Variants in RANBP17 observed in about 807,000 individuals in gnomAD.
RANBP17 encodes RAN binding protein 17, also known as ran-binding protein 17.
Under a neutral mutation model 141.2 loss-of-function variants are expected in RANBP17, and 158 were observed. That is an observed-to-expected ratio of 1.12 (90% CI 0.98 to 1.28). RANBP17 has a LOEUF of 1.28. Ranked by LOEUF, RANBP17 falls within the 50% of genes most tolerant of loss-of-function variation. RANBP17 has a pLI of 0.00. For missense variants in RANBP17, 1,438 were observed against 1,290.7 expected (o/e 1.11, Z -1.75); for synonymous variants, 430 against 450.0 (o/e 0.96, Z 0.56).
At chr5:170,995,575 T>G (rs1359433394) in intron 14 of RANBP17, among the ~76,000 whole-genome samples, 2 of 152,188 alleles carry the variant, frequency 1.3e-5, no homozygotes, top group Admixed American at 6.5e-5. Flanking sequence ...TTAATCCCAG[T>G]GATATTTGAT....
At chr5:170,915,628 G>A (rs2339174) in intron 8 of RANBP17, among the ~76,000 whole-genome samples, 95,886 of 151,842 alleles carry the variant, frequency 0.63, 31,223 homozygotes, top group South Asian at 0.9. Flanking sequence ...TTTTCTCACC[G>A]TAAAGTACCT....
chr5:171,055,863 C>T (rs1783313714), intron 14 of RANBP17, among the ~76,000 whole-genome samples: 1 of 114,986 alleles, frequency 8.7e-6, no homozygotes, highest in Non-Finnish European at 1.7e-5. Flanking sequence ...CCAGTTTCTC[C>T]AGTTGTGTCC....
intron 18 of RANBP17, among the ~76,000 whole-genome samples, chr5:171,194,866 TAAATG>T (rs1761869922): frequency 1.3e-5 from 2 of 152,128 alleles, no homozygotes; most frequent in South Asian, 4.2e-4. Flanking sequence ...TACAAAATAA[TAAATG>T]AAATGTCCTA....
rs931240560 is a variant in RANBP17, at chr5:171,220,886, T to C, written c.2340-872T>C. Among the ~76,000 whole-genome samples the C allele has an allele frequency of 3.3e-5, 5 of 152,354 alleles. No homozygotes were observed. In the East Asian group the frequency reaches 9.6e-4, roughly 29 times the overall value. On this transcript the variant is annotated intron_variant, in intron 21 of 27. Coordinates refer to ENST00000523189, the MANE Select transcript of RANBP17 (RefSeq NM_022897.5). ...TGCATTTCTTTAATCAGAACTTGTA[T>C]GCCAGCAATCATGTTCATAATAATA...
At chr5:171,105,958 A>C (rs75413310) in intron 14 of RANBP17, among the ~76,000 whole-genome samples, 4,004 of 152,242 alleles carry the variant, frequency 0.026, 170 homozygotes, top group African/African-American at 0.09. Context: ...TAGGCCATCA[A>C]TTGATGTGCA....
At chr5:171,165,554 T>C (rs1759636342) in intron 14 of RANBP17, among the ~76,000 whole-genome samples, 1 of 152,132 alleles carries the variant, frequency 6.6e-6, no homozygotes, top group Admixed American at 6.6e-5. Context: ...AAACACCTAG[T>C]TAGTGGCAGA....
At chr5:170,979,435 C>A (rs943866141) in intron 14 of RANBP17, among the ~76,000 whole-genome samples, 31 of 152,186 alleles carry the variant, frequency 2.0e-4, no homozygotes, top group African/African-American at 7.5e-4. Context: ...ATAAAAAATA[C>A]ATTTGCAAGG....
chr5:171,272,320 G>C (rs545897449), intron 25 of RANBP17, among the ~76,000 whole-genome samples: 1 of 152,194 alleles, frequency 6.6e-6, no homozygotes, highest in Non-Finnish European at 1.5e-5. Context: ...TAACAAACCT[G>C]TACATGTACC....
chr5:170,991,363 TA>T (rs1312030924), intron 14 of RANBP17, among the ~76,000 whole-genome samples: 6 of 151,978 alleles, frequency 3.9e-5, no homozygotes, highest in African/African-American at 1.4e-4. Flanking sequence ...TTTGTTATAA[TA>T]AGACAATGAT....
chr5:171,248,079 C>T (rs1029982635), intron 24 of RANBP17, among the ~76,000 whole-genome samples: 1 of 152,090 alleles, frequency 6.6e-6, no homozygotes, highest in Non-Finnish European at 1.5e-5. Context: ...AAAGAACTCA[C>T]AGGAAGGCTG....
chr5:171,057,352 T>C (rs990403090), intron 14 of RANBP17, among the ~76,000 whole-genome samples: 4 of 152,138 alleles, frequency 2.6e-5, no homozygotes, highest in African/African-American at 9.6e-5. Context: ...ATGTTTTCAT[T>C]TTGTACAATA....
At chr5:171,042,355 T>C (rs1316172293) in intron 14 of RANBP17, among the ~76,000 whole-genome samples, 2 of 152,072 alleles carry the variant, frequency 1.3e-5, no homozygotes, top group Non-Finnish European at 2.9e-5. Flanking sequence ...CCTAACCATA[T>C]GATAGGAATT....
chr5:170,893,989 G>T (rs190473222), intron 4 of RANBP17, among the ~76,000 whole-genome samples: 19 of 152,176 alleles, frequency 1.2e-4, no homozygotes, highest in Middle Eastern at 6.8e-3. Flanking sequence ...TGCAGTGCTG[G>T]AAACCTCAGA....
chr5:171,190,272 A>G (rs532915245), intron 18 of RANBP17, among the ~76,000 whole-genome samples: 1 of 152,310 alleles, frequency 6.6e-6, no homozygotes, highest in African/African-American at 2.4e-5. Context: ...GTATGAATTT[A>G]ATTAGATGCT....
intron 24 of RANBP17, chr5:171,252,092 A>C (rs1765611594): frequency 6.3e-7 from 1 of 1,599,314 alleles, no homozygotes; most frequent in African/African-American, 1.3e-5. Flanking sequence ...ATAGCCACTC[A>C]GAAGAAAAAG....
chr5:171,209,967 T>C (rs183346040), intron 20 of RANBP17, among the ~76,000 whole-genome samples: 24 of 151,832 alleles, frequency 1.6e-4, no homozygotes, highest in African/African-American at 4.6e-4. Context: ...GACGGACGGA[T>C]GGATGGATGG....
At chr5:170,876,580 A>G (rs1238436627) in intron 1 of RANBP17, among the ~76,000 whole-genome samples, 1 of 151,876 alleles carries the variant, frequency 6.6e-6, no homozygotes, top group Non-Finnish European at 1.5e-5. Flanking sequence ...TTGAAATCTT[A>G]TTTTTGGACT....
intron 14 of RANBP17, among the ~76,000 whole-genome samples, chr5:170,995,014 A>C (rs1778723833): frequency 6.6e-6 from 1 of 152,116 alleles, no homozygotes; most frequent in African/African-American, 2.4e-5. Context: ...CTATAAAGAC[A>C]GTAAGAATTC....
intron 14 of RANBP17, among the ~76,000 whole-genome samples, chr5:171,051,612 T>C (rs1308825286): frequency 6.6e-6 from 1 of 152,216 alleles, no homozygotes; most frequent in African/African-American, 2.4e-5. Context: ...TTTATGGCTA[T>C]TACACATTTT....
Sources: allele counts gnomAD v4.1 joint callset (sites outside exome capture counted in the v4.1 genomes callset), GRCh38; gene constraint gnomAD v4.1.1; transcripts MANE v1.5; gene names NCBI Gene and HGNC (gene_info 2026-07-23, HGNC 2026-07-21).